Variants in ZCCHC7 observed in about 807,000 individuals in gnomAD.
The protein encoded by ZCCHC7 is zinc finger CCHC domain-containing protein 7.
Under a neutral mutation model 52.0 loss-of-function variants are expected in ZCCHC7, and 35 were observed. That is an observed-to-expected ratio of 0.67 (90% confidence interval 0.51 to 0.89). The LOEUF (loss-of-function observed/expected upper bound fraction) is 0.89, where lower values mean the gene tolerates loss of function less well. Among genes scored for constraint, ZCCHC7 ranks in the 40% least tolerant of loss-of-function variants. The pLI, the probability that ZCCHC7 is intolerant of heterozygous loss-of-function variation, is 0.00. For missense variants in ZCCHC7, 574 were observed against 649.1 expected, an observed-to-expected ratio of 0.88 and a Z score of 1.26; for synonymous variants, 217 against 221.5, an observed-to-expected ratio of 0.98 and a Z score of 0.18.
intron 5 of ZCCHC7, among the ~76,000 whole-genome samples, chr9:37,321,141 AC>A (rs74182944): frequency 6.6e-6 from 1 of 151,550 alleles, no homozygotes; most frequent in African/African-American, 2.4e-5. Context: ...GGCGCGTGCC[AC>A]CACACCCGGC....
In ZCCHC7 at chr9:37,304,330, T is replaced by C; in HGVS notation, c.780+17T>C. The C allele has an allele frequency of 6.2e-7, 1 of 1,611,490 alleles. No individual in the cohort carries two copies. The highest frequency in any genetic ancestry group is 8.5e-7 in the Non-Finnish European group (1 of 1,178,596). On this transcript the variant is annotated intron_variant, in intron 4 of 8. Coordinates refer to ENST00000336755, the MANE Select transcript of ZCCHC7 (RefSeq NM_032226.3). ...TTACCACGAGTACGTGAAATATGCTTTGCTTCTTTCCACATTTGTAAACTC... is the reference window on the plus strand; with the variant it reads ...TTACCACGAGTACGTGAAATATGCTCTGCTTCTTTCCACATTTGTAAACTC...
At chr9:37,174,728 G>T (rs770657607) in intron 2 of ZCCHC7, among the ~76,000 whole-genome samples, 16 of 152,168 alleles carry the variant, frequency 1.1e-4, no homozygotes, top group Admixed American at 6.5e-4. Context: ...ATTCTTGTTT[G>T]TGTCACTATT....
chr9:37,273,643 G>A (rs908445066), intron 2 of ZCCHC7, among the ~76,000 whole-genome samples: 1 of 152,198 alleles, frequency 6.6e-6, no homozygotes, highest in Admixed American at 6.5e-5. Flanking sequence ...ATTATTATAT[G>A]AATTCTTACC....
intron 1 of ZCCHC7, among the ~76,000 whole-genome samples, chr9:37,122,814 G>A (rs1161738197): frequency 6.6e-6 from 1 of 152,242 alleles, no homozygotes; most frequent in African/African-American, 2.4e-5. Context: ...GCGCGTGCCT[G>A]TAATCCCAGC....
chr9:37,194,781 G>A (rs1188929260), intron 2 of ZCCHC7, among the ~76,000 whole-genome samples: 1 of 152,026 alleles, frequency 6.6e-6, no homozygotes, highest in East Asian at 1.9e-4. Flanking sequence ...AGGAATTTAA[G>A]AGAAAAATCC....
chr9:37,315,156 A>G (rs1340222490), intron 5 of ZCCHC7, among the ~76,000 whole-genome samples: 1 of 151,980 alleles, frequency 6.6e-6, no homozygotes, highest in South Asian at 2.1e-4. Context: ...CATAATCTAC[A>G]TGTATATGCT....
At chr9:37,290,190 A>G (rs576362699) in intron 2 of ZCCHC7, among the ~76,000 whole-genome samples, 28 of 152,366 alleles carry the variant, frequency 1.8e-4, no homozygotes, top group African/African-American at 6.5e-4. Flanking sequence ...CCAAGCATCT[A>G]GAATAGTGCT....
chr9:37,132,417 A>C (rs1402051020), intron 2 of ZCCHC7, among the ~76,000 whole-genome samples: 2 of 152,234 alleles, frequency 1.3e-5, no homozygotes, highest in Admixed American at 6.5e-5. Flanking sequence ...GTGTCCCATA[A>C]ACCAGCTTCA....
chr9:37,340,202 G>A (rs1378771272), intron 6 of ZCCHC7, among the ~76,000 whole-genome samples: 1 of 152,142 alleles, frequency 6.6e-6, no homozygotes, highest in Non-Finnish European at 1.5e-5. Flanking sequence ...GACATTAGGA[G>A]TAAATCCGTG....
chr9:37,169,330 T>G (rs1342190781), intron 2 of ZCCHC7, among the ~76,000 whole-genome samples: 1 of 152,246 alleles, frequency 6.6e-6, no homozygotes, highest in Admixed American at 6.5e-5. Flanking sequence ...TGGCATAAGC[T>G]CGTTCTAAAA....
intron 2 of ZCCHC7, among the ~76,000 whole-genome samples, chr9:37,197,390 G>T (rs1279396409): frequency 6.6e-6 from 1 of 152,178 alleles, no homozygotes; most frequent in African/African-American, 2.4e-5. Flanking sequence ...ATATGTCAAA[G>T]ACACAGGAAG....
Position 37,126,752 on chromosome 9 carries a change from T to G in ZCCHC7, c.420T>G (p.Pro140=). ...DKKCKSDIEK[P]KSEERSGVIR... ...AATGCAAGAGTGATATTGAGAAGCCTAAATCTGAAGAGAGATCAGGTGTAA... is the reference window on the plus strand; with the variant it reads ...AATGCAAGAGTGATATTGAGAAGCCGAAATCTGAAGAGAGATCAGGTGTAA... Residue 140 remains proline (P), a synonymous_variant, in exon 2 of 9, where the codon CCT becomes CCG. Transcript: ENST00000336755. The G allele has an allele frequency of 6.2e-7, 1 of 1,614,152 alleles. No homozygotes were observed. The highest frequency in any genetic ancestry group is 8.5e-7 in the Non-Finnish European group (1 of 1,180,026).
chr9:37,152,642 C>T (rs1820594622), intron 2 of ZCCHC7, among the ~76,000 whole-genome samples: 1 of 152,040 alleles, frequency 6.6e-6, no homozygotes, highest in African/African-American at 2.4e-5. Flanking sequence ...TATCATTAGA[C>T]TGCATGTATG....
intron 2 of ZCCHC7, among the ~76,000 whole-genome samples, chr9:37,224,378 G>A (rs1345901094): frequency 6.6e-6 from 1 of 152,126 alleles, no homozygotes; most frequent in Non-Finnish European, 1.5e-5. Flanking sequence ...GGTCATGTGT[G>A]TATATGTGTG....
chr9:37,196,528 T>C (rs548965733), intron 2 of ZCCHC7, among the ~76,000 whole-genome samples: 1 of 152,212 alleles, frequency 6.6e-6, no homozygotes, highest in African/African-American at 2.4e-5. Context: ...TTGGGACTTA[T>C]TATAGTAGAA....
chr9:37,143,339 G>A (rs1451988425), intron 2 of ZCCHC7, among the ~76,000 whole-genome samples: 4 of 151,696 alleles, frequency 2.6e-5, no homozygotes, highest in Non-Finnish European at 5.9e-5. Flanking sequence ...AGCCAATGAT[G>A]GTAAAATTAC....
chr9:37,276,442 A>G (rs1827689028), intron 2 of ZCCHC7, among the ~76,000 whole-genome samples: 1 of 152,202 alleles, frequency 6.6e-6, no homozygotes, highest in African/African-American at 2.4e-5. Context: ...CTATGTGACC[A>G]TGGCCAGCTT....
chr9:37,318,598 A>G (rs1256263384), intron 5 of ZCCHC7, among the ~76,000 whole-genome samples: 3 of 152,052 alleles, frequency 2.0e-5, no homozygotes, highest in Admixed American at 2.0e-4. Context: ...GTGTTTCTAT[A>G]TATGTAGATT....
intron 5 of ZCCHC7, among the ~76,000 whole-genome samples, chr9:37,308,260 A>C (rs1829425428): frequency 6.6e-6 from 1 of 152,018 alleles, no homozygotes; most frequent in Admixed American, 6.6e-5. Context: ...TTGTCCTAGC[A>C]TTATGTTGTT....
Sources: gnomAD v4.1 joint callset for allele counts (sites outside exome capture counted in the v4.1 genomes callset) on GRCh38, gnomAD v4.1.1 for gene constraint, MANE v1.5 for transcripts, NCBI Gene and HGNC (gene_info 2026-07-23, HGNC 2026-07-21) for gene names.